MACROD2: variants seen among roughly 807,000 people sequenced by gnomAD.
MACROD2 encodes the protein mono-ADP ribosylhydrolase 2, also known as ADP-ribose glycohydrolase MACROD2.
MACROD2 carries 36 observed loss-of-function variants against 70.4 expected under a neutral mutation model. The observed-to-expected ratio is 0.51, with a 90% CI of 0.39 to 0.68. The LOEUF is 0.68. MACROD2 is among the 30% of genes least tolerant of loss of function. The pLI is 0.00. For synonymous variants in MACROD2, 172 were observed against 178.8 expected (o/e 0.96, Z 0.30); for missense variants, 496 against 538.4 (o/e 0.92, Z 0.78).
intron 3 of MACROD2, among the ~76,000 whole-genome samples, chr20:14,120,961 CCAT>C (rs1385693838): frequency 6.6e-6 from 1 of 151,486 alleles, no homozygotes; most frequent in Non-Finnish European, 1.5e-5. Context: ...GTGCGACAAA[CCAT>C]CATTACACAT....
At chr20:15,358,050 C>T (rs62203481) in intron 6 of MACROD2, among the ~76,000 whole-genome samples, 26,035 of 152,018 alleles carry the variant, frequency 0.17, 2,538 homozygotes, top group Non-Finnish European at 0.22. Flanking sequence ...CCGCGTGATC[C>T]GCCCGCTTTG....
intron 6 of MACROD2, among the ~76,000 whole-genome samples, chr20:15,284,610 T>G (rs536890496): frequency 3.8e-4 from 58 of 152,336 alleles, no homozygotes; most frequent in African/African-American, 1.3e-3. Flanking sequence ...AAATTTTGTC[T>G]TTGGCTACAT....
At chr20:15,134,666 G>A (rs2076132810) in intron 5 of MACROD2, among the ~76,000 whole-genome samples, 3 of 151,792 alleles carry the variant, frequency 2.0e-5, no homozygotes. Context: ...AACTAGAAAA[G>A]CAAGAGCAAA....
chr20:14,032,245 C>G (rs996826411), intron 2 of MACROD2, among the ~76,000 whole-genome samples: 3 of 151,176 alleles, frequency 2.0e-5, no homozygotes, highest in African/African-American at 7.3e-5. Context: ...AGTTTTTTTC[C>G]AAAATTGCAA....
intron 5 of MACROD2, among the ~76,000 whole-genome samples, chr20:14,989,659 G>A (rs536546068): frequency 6.6e-6 from 1 of 152,242 alleles, no homozygotes; most frequent in South Asian, 2.1e-4. Context: ...AAATATGGAT[G>A]TTTCTAGAAC....
Position 14,704,139 on chromosome 20 carries a change from C to T in MACROD2, c.418+19180C>T, listed in dbSNP as rs1402035704. On this transcript the variant is annotated intron_variant, in intron 5 of 17. Transcript: ENST00000684519. ...TGGTAGTATTTTCTTATGATTTCTT[C>T]CAGCATTAATCTACCCAAGTTAAGG... 2.0e-5 allele frequency among the ~76,000 whole-genome samples: 3 copies of T among 152,126 alleles called. No individual in the cohort carries two copies. In the East Asian group the frequency reaches 5.8e-4, roughly 29 times the overall value.
At chr20:14,657,070 GCCAT>G (rs1397383842) in intron 4 of MACROD2, among the ~76,000 whole-genome samples, 1 of 152,068 alleles carries the variant, frequency 6.6e-6, no homozygotes, top group Non-Finnish European at 1.5e-5. Context: ...TACCATTCTT[GCCAT>G]AATGTTATTT....
rs919784695 is a variant in MACROD2, at chr20:14,848,447, C to CT, written c.418+163497dup. On this transcript the variant is annotated intron_variant, in intron 5 of 17. Coordinates refer to ENST00000684519, the MANE Select transcript of MACROD2 (RefSeq NM_001351661.2). ...ATGGGTGAGAAAGTTGGCCCTTGCT[C>CT]TTTTTTTTTCTTTGAGTATGCTGTT... Among the ~76,000 whole-genome samples, 25 of 151,448 alleles carry CT rather than the reference C, an allele frequency of 1.7e-4. 1 individual carries two copies. In the South Asian group the frequency reaches 4.4e-3, roughly 27 times the overall value.
At chr20:14,861,339 C>T (rs1568838035) in intron 5 of MACROD2, among the ~76,000 whole-genome samples, 1 of 152,194 alleles carries the variant, frequency 6.6e-6, no homozygotes, top group South Asian at 2.1e-4. Context: ...ATTGGAATAT[C>T]AGGGAAACAT....
chr20:14,499,853 A>G (rs2084897054), intron 4 of MACROD2, among the ~76,000 whole-genome samples: 2 of 151,602 alleles, frequency 1.3e-5, no homozygotes, highest in Non-Finnish European at 2.9e-5. Flanking sequence ...GCAACTATTG[A>G]TTACTTCTTG....
rs181388208 is a variant in MACROD2 at position 15,899,552 on chromosome 20, A to G, written c.775+13741A>G. 1.9e-4 allele frequency among the ~76,000 whole-genome samples: 29 copies of G among 152,338 alleles called. No homozygotes were observed. The East Asian group carries it at 3.9e-3, about 20-fold the overall frequency. ...CATATTTTCATTAAACAAGAACTAAATGGACTATATGTTGCTAAGTTCAGT... is the reference window on the plus strand; with the variant it reads ...CATATTTTCATTAAACAAGAACTAAGTGGACTATATGTTGCTAAGTTCAGT... On this transcript the variant is annotated intron_variant, in intron 10 of 17. Coordinates refer to ENST00000684519, the MANE Select transcript of MACROD2 (RefSeq NM_001351661.2).
chr20:15,198,206 G>A (rs776698444), intron 5 of MACROD2, among the ~76,000 whole-genome samples: 3 of 151,936 alleles, frequency 2.0e-5, no homozygotes, highest in Non-Finnish European at 4.4e-5. Flanking sequence ...TGATCCACCC[G>A]CCTCAGCCTC....
At chr20:15,795,187 G>A (rs1014152711) in intron 8 of MACROD2, among the ~76,000 whole-genome samples, 3 of 152,130 alleles carry the variant, frequency 2.0e-5, no homozygotes, top group Non-Finnish European at 4.4e-5. Flanking sequence ...AGGGGGAATT[G>A]TTGTGACGAG....
intron 6 of MACROD2, among the ~76,000 whole-genome samples, chr20:15,357,284 CT>C (rs944702806): frequency 4.6e-5 from 7 of 152,078 alleles, no homozygotes; most frequent in Admixed American, 1.3e-4. Flanking sequence ...TCAATTATTT[CT>C]TTTTTTCTAT....
chr20:14,898,966 C>A (rs571448744), intron 5 of MACROD2, among the ~76,000 whole-genome samples: 1 of 152,144 alleles, frequency 6.6e-6, no homozygotes, highest in South Asian at 2.1e-4. Context: ...GCCTTTTTTT[C>A]TAGTATTTTT....
chr20:15,376,535 C>A (rs2045564392), intron 6 of MACROD2, among the ~76,000 whole-genome samples: 1 of 152,110 alleles, frequency 6.6e-6, no homozygotes, highest in Admixed American at 6.5e-5. Context: ...ATAGATAATG[C>A]CACTAATTTC....
chr20:14,218,026 A>C (rs903558489), intron 3 of MACROD2, among the ~76,000 whole-genome samples: 2 of 152,068 alleles, frequency 1.3e-5, no homozygotes, highest in Non-Finnish European at 2.9e-5. Flanking sequence ...TATATCTGTT[A>C]AGTCCATTTG....
chr20:14,429,443 G>T (rs1230643333), intron 3 of MACROD2, among the ~76,000 whole-genome samples: 1 of 152,154 alleles, frequency 6.6e-6, no homozygotes, highest in African/African-American at 2.4e-5. Context: ...CAAGGATAAA[G>T]AAGTGATCTA....
At chr20:14,502,317 C>G (rs912070662) in intron 4 of MACROD2, among the ~76,000 whole-genome samples, 1 of 152,152 alleles carries the variant, frequency 6.6e-6, no homozygotes, top group African/African-American at 2.4e-5. Flanking sequence ...ACCCCTCAAA[C>G]TGAAGATACT....
Sources: allele counts gnomAD v4.1 joint callset (sites outside exome capture counted in the v4.1 genomes callset), GRCh38; gene constraint gnomAD v4.1.1; transcripts MANE v1.5; gene names NCBI Gene and HGNC (gene_info 2026-07-23, HGNC 2026-07-21).